Variants in ATG13 observed in about 807,000 individuals in gnomAD.
ATG13 encodes autophagy related 13, also known as autophagy-related protein 13.
Under a neutral mutation model 65.5 loss-of-function variants are expected in ATG13, and 23 were observed. The ratio of observed to expected loss-of-function variants is 0.35; its 90% CI spans 0.25 to 0.50. ATG13 has a LOEUF of 0.50. Among genes scored for constraint, ATG13 ranks in the 20% least tolerant of loss-of-function variants. The probability of loss-of-function intolerance (pLI) is 0.98; values close to 1 mark genes in which losing one functional copy is unlikely to be tolerated. For synonymous variants in ATG13, 252 were observed against 245.2 expected (o/e 1.03, Z -0.26); for missense variants, 566 against 677.0 (o/e 0.84, Z 1.82).
intron 2 of ATG13, among the ~76,000 whole-genome samples, chr11:46,643,612 C>CTTTTT (rs763315083): frequency 7.6e-6 from 1 of 130,832 alleles, no homozygotes; most frequent in Non-Finnish European, 1.6e-5. Flanking sequence ...CCTGGGAGGG[C>CTTTTT]TTTTTTTTTT....
intron 2 of ATG13, among the ~76,000 whole-genome samples, chr11:46,641,742 G>A (rs757677251): frequency 2.0e-5 from 3 of 146,752 alleles, no homozygotes; most frequent in Non-Finnish European, 4.5e-5. Context: ...GCATTTCAGT[G>A]CATCTAAGTT....
At chr11:46,624,538 AGCCC>A (rs2048831812) in intron 1 of ATG13, among the ~76,000 whole-genome samples, 1 of 151,446 alleles carries the variant, frequency 6.6e-6, no homozygotes, top group Non-Finnish European at 1.5e-5. Flanking sequence ...AAGAGTGACG[AGCCC>A]ATTATATTAT....
intron 14 of ATG13, among the ~76,000 whole-genome samples, chr11:46,666,661 T>C (rs1173624967): frequency 6.6e-6 from 1 of 152,200 alleles, no homozygotes; most frequent in Non-Finnish European, 1.5e-5. Flanking sequence ...TGAGCTCAGT[T>C]AGCTCACAGG....
At chr11:46,663,081 C>T (rs957237229) in intron 11 of ATG13, among the ~76,000 whole-genome samples, 6 of 151,820 alleles carry the variant, frequency 4.0e-5, no homozygotes, top group Admixed American at 2.0e-4. Context: ...CTGGCTAACA[C>T]GGTGAAACCC....
At chr11:46,640,432 G>A (rs2055587746) in intron 2 of ATG13, among the ~76,000 whole-genome samples, 1 of 152,198 alleles carries the variant, frequency 6.6e-6, no homozygotes, top group Admixed American at 6.6e-5. Context: ...CGAAGTACTT[G>A]TATCCAGAAT....
chr11:46,641,888 C>A (rs74364480), intron 2 of ATG13, among the ~76,000 whole-genome samples: 2,751 of 152,044 alleles, frequency 0.018, 90 homozygotes, highest in South Asian at 0.15. Context: ...CATTCTCCCA[C>A]CTCATCCTCC....
At chr11:46,659,334 C>T in intron 10 of ATG13, 58 bp from the exon 11 acceptor site, 1 of 1,391,482 alleles carries the variant, frequency 7.2e-7, no homozygotes, top group South Asian at 1.2e-5. Context: ...CTTTTATAGC[C>T]TTTCTGAAAT....
At position 46,645,994 on chromosome 11, in the gene ATG13, G is replaced by A; in HGVS notation, c.270+5G>A. 6.2e-7 allele frequency: 1 copy of A among 1,614,108 alleles called. No homozygotes were observed. The highest frequency in any genetic ancestry group is 8.5e-7 in the Non-Finnish European group (1 of 1,179,970). ...ATTTCACTTAAGACTTCTGAGGTAA[G>A]GCTATGGCCAGGTTGGTGTCTTCAT... On this transcript the variant is annotated splice_donor_5th_base_variant and intron_variant, in intron 5 of 18. Coordinates refer to ENST00000683050, the MANE Select transcript of ATG13 (RefSeq NM_001346311.2).
intron 14 of ATG13, 41 bp downstream of exon 14, chr11:46,665,560 A>C (rs1221607782): frequency 3.1e-6 from 5 of 1,608,630 alleles, no homozygotes; most frequent in East Asian, 2.2e-5. Flanking sequence ...AAGGCTGGCC[A>C]GGGGCCTGGG....
At chr11:46,645,765 T>C in intron 4 of ATG13, 105 bp from the exon 5 acceptor site, 1 of 1,470,174 alleles carries the variant, frequency 6.8e-7, no homozygotes, top group Non-Finnish European at 9.3e-7. Context: ...TGAATTGTCT[T>C]CCTTAATCAG....
chr11:46,639,581 C>T (rs1191739717), intron 2 of ATG13, among the ~76,000 whole-genome samples: 1 of 151,982 alleles, frequency 6.6e-6, no homozygotes, highest in Non-Finnish European at 1.5e-5. Context: ...TGGGTTGCAG[C>T]AGAGAAAAGA....
At chr11:46,632,185 T>C (rs1236387874) in intron 2 of ATG13, 2 of 152,032 alleles carry the variant, frequency 1.3e-5, no homozygotes, top group African/African-American at 4.8e-5. Flanking sequence ...CATTATAGAG[T>C]ATAATTTTTT....
chr11:46,633,028 T>TATA (rs1565448175), intron 2 of ATG13, among the ~76,000 whole-genome samples: 106 of 60,766 alleles, frequency 1.7e-3, no homozygotes, highest in East Asian at 4.8e-3. Context: ...ATATATATAT[T>TATA]TTTTTTTTTT....
At chr11:46,622,076 C>CATATATATATATAT (rs58391951) in intron 1 of ATG13, among the ~76,000 whole-genome samples, 15 of 71,840 alleles carry the variant, frequency 2.1e-4, no homozygotes, top group Non-Finnish European at 3.6e-4. Flanking sequence ...TATTTATTTA[C>CATATATATATATAT]ATATATATAT....
intron 7 of ATG13, among the ~76,000 whole-genome samples, chr11:46,650,533 G>A (rs1334986779): frequency 3.3e-5 from 5 of 152,180 alleles, no homozygotes; most frequent in South Asian, 2.1e-4. Flanking sequence ...ATGCACAATC[G>A]TGATTCCTGT....
In ATG13 at chr11:46,663,341, G is replaced by A. The variant is rs560491291; in HGVS notation, c.790-656G>A. ...ATGACCATAATCATTATGCCCTTAA[G>A]TAGCTTTGAAATCATAAGAGTTTTC... On this transcript the variant is annotated intron_variant, in intron 11 of 18. Transcript: ENST00000683050. Among the ~76,000 whole-genome samples, 322 of 149,440 alleles carry A rather than the reference G, an allele frequency of 2.2e-3. 3 individuals are homozygous for A. Among genetic ancestry groups the A allele is most frequent in the Admixed American group, 3.9e-3 (59 of 14,966 alleles).
At chr11:46,653,027 T>C (rs1565543111) in intron 7 of ATG13, among the ~76,000 whole-genome samples, 1 of 152,130 alleles carries the variant, frequency 6.6e-6, no homozygotes, top group Non-Finnish European at 1.5e-5. Context: ...GTATTTGTTA[T>C]AGCCTATACG....
intron 5 of ATG13, 174 bp from the exon 6 acceptor site, chr11:46,648,963 T>C (rs2058330633): frequency 2.2e-6 from 1 of 449,358 alleles, no homozygotes. Flanking sequence ...GTCATCAAAA[T>C]AGCATATAGA....
chr11:46,631,200 A>T (rs778844066), intron 2 of ATG13, among the ~76,000 whole-genome samples: 3 of 152,148 alleles, frequency 2.0e-5, no homozygotes, highest in Non-Finnish European at 4.4e-5. Flanking sequence ...ATGTAAGTGT[A>T]AATTAATGAA....
Sources: allele counts gnomAD v4.1 joint callset (sites outside exome capture counted in the v4.1 genomes callset), GRCh38; gene constraint gnomAD v4.1.1; transcripts MANE v1.5; gene names NCBI Gene and HGNC (gene_info 2026-07-23, HGNC 2026-07-21).